The following KCNIP4 variants were observed in gnomAD, a reference collection of about 807,000 sequenced individuals.
KCNIP4 encodes potassium voltage-gated channel interacting protein 4.
KCNIP4 carries 12 observed loss-of-function variants against 34.0 expected under a neutral mutation model. That is an observed-to-expected ratio of 0.35 (90% CI 0.23 to 0.57). KCNIP4 has a LOEUF of 0.57. Among genes scored for constraint, KCNIP4 ranks in the 20% least tolerant of loss-of-function variants. The pLI is 0.83. For missense variants in KCNIP4, 238 were observed against 311.7 expected (o/e 0.76, Z 1.78); for synonymous variants, 124 against 102.2 (o/e 1.21, Z -1.29).
chr4:21,479,199 C>T (rs1731228519), intron 1 of KCNIP4, among the ~76,000 whole-genome samples: 1 of 152,168 alleles, frequency 6.6e-6, no homozygotes, highest in African/African-American at 2.4e-5. Flanking sequence ...CACCTACTAT[C>T]ACCAACTCCT....
intron 1 of KCNIP4, among the ~76,000 whole-genome samples, chr4:21,836,644 C>G (rs1723339490): frequency 6.6e-6 from 1 of 152,074 alleles, no homozygotes; most frequent in South Asian, 2.1e-4. Context: ...ATGCTGGTCT[C>G]TAAAGGACAG....
intron 1 of KCNIP4, among the ~76,000 whole-genome samples, chr4:21,693,718 G>A (rs908925023): frequency 2.0e-4 from 31 of 152,098 alleles, no homozygotes; most frequent in African/African-American, 6.8e-4. Context: ...CCTCTCATCC[G>A]TTAATCTAAA....
intron 1 of KCNIP4, among the ~76,000 whole-genome samples, chr4:21,358,403 T>A (rs1718879398): frequency 6.6e-6 from 1 of 152,174 alleles, no homozygotes; most frequent in Admixed American, 6.5e-5. Flanking sequence ...TAGTTGTGCA[T>A]AATCAAATAG....
intron 1 of KCNIP4, among the ~76,000 whole-genome samples, chr4:21,066,576 G>A (rs1002109408): frequency 7.2e-5 from 11 of 151,808 alleles, no homozygotes; most frequent in East Asian, 1.9e-4. Context: ...GAATGTCTGC[G>A]CCTGGGGAAG....
At chr4:21,017,474 G>A (rs57020470) in intron 1 of KCNIP4, among the ~76,000 whole-genome samples, 7,177 of 152,114 alleles carry the variant, frequency 0.047, 224 homozygotes, top group Admixed American at 0.078. Context: ...AGTTTGCTGC[G>A]GATAATGGCT....
At chr4:21,295,907 A>C (rs1763813466) in intron 1 of KCNIP4, among the ~76,000 whole-genome samples, 1 of 143,488 alleles carries the variant, frequency 7.0e-6, no homozygotes, top group South Asian at 2.3e-4. Flanking sequence ...CAATAGAGGC[A>C]CATGCAGTTA....
chr4:20,790,780 A>C (rs181714510), intron 3 of KCNIP4, among the ~76,000 whole-genome samples: 1 of 152,176 alleles, frequency 6.6e-6, no homozygotes, highest in African/African-American at 2.4e-5. Flanking sequence ...GGTCACCTGC[A>C]GTAAGTTGGA....
chr4:21,694,928 A>T (rs10015895), intron 1 of KCNIP4, among the ~76,000 whole-genome samples: 12,509 of 122,844 alleles, frequency 0.1, 1,569 homozygotes, highest in African/African-American at 0.27. Flanking sequence ...AAAAAAAAAA[A>T]AATAAAAATA....
At chr4:21,916,566 C>T (rs1364391097) in intron 1 of KCNIP4, among the ~76,000 whole-genome samples, 4 of 152,044 alleles carry the variant, frequency 2.6e-5, no homozygotes, top group African/African-American at 9.7e-5. Context: ...ATCAGTGTAC[C>T]GTCTACCAAC....
At chr4:21,055,295 A>C (rs558391517) in intron 1 of KCNIP4, among the ~76,000 whole-genome samples, 1 of 152,338 alleles carries the variant, frequency 6.6e-6, no homozygotes, top group South Asian at 2.1e-4. Context: ...GTGGAACAAC[A>C]GAAACTCCTA....
At chr4:20,755,888 G>A (rs572659718) in intron 4 of KCNIP4, among the ~76,000 whole-genome samples, 1 of 152,076 alleles carries the variant, frequency 6.6e-6, no homozygotes, top group Admixed American at 6.6e-5. Context: ...GCTGGGTGGG[G>A]TAAGTTGGGT....
At chr4:21,021,928 A>G (rs1056103458) in intron 1 of KCNIP4, among the ~76,000 whole-genome samples, 5 of 150,108 alleles carry the variant, frequency 3.3e-5, no homozygotes, top group Non-Finnish European at 7.4e-5. Flanking sequence ...ACCAGTAATA[A>G]AGTCATGTAT....
At chr4:21,759,761 G>C (rs183999529) in intron 1 of KCNIP4, among the ~76,000 whole-genome samples, 27 of 152,014 alleles carry the variant, frequency 1.8e-4, no homozygotes, top group Admixed American at 1.1e-3. Flanking sequence ...GACAACCTAC[G>C]TTCCAAAATT....
chr4:21,252,763 T>A (rs1760807442), intron 1 of KCNIP4, among the ~76,000 whole-genome samples: 1 of 151,384 alleles, frequency 6.6e-6, no homozygotes, highest in African/African-American at 2.4e-5. Flanking sequence ...CCTCTTTTTT[T>A]TTTTTTTTTT....
At chr4:20,807,558 G>A (rs1180979866) in intron 3 of KCNIP4, among the ~76,000 whole-genome samples, 3 of 151,960 alleles carry the variant, frequency 2.0e-5, no homozygotes, top group East Asian at 1.9e-4. Flanking sequence ...CTTAGTATCT[G>A]GCCCTTTAAA....
At chr4:21,454,406 C>T (rs1221274730) in intron 1 of KCNIP4, among the ~76,000 whole-genome samples, 2 of 152,016 alleles carry the variant, frequency 1.3e-5, no homozygotes, top group Non-Finnish European at 2.9e-5. Context: ...TTGAGAAGGC[C>T]GTGAGAGAGG....
chr4:21,875,594 T>C (rs753476221), intron 1 of KCNIP4, among the ~76,000 whole-genome samples: 6 of 152,192 alleles, frequency 3.9e-5, no homozygotes, highest in Admixed American at 3.3e-4. Flanking sequence ...AGTATTATAA[T>C]CAATTAAGTT....
chr4:21,373,158 C>CA lies in KCNIP4; in HGVS notation c.62-490450dup, dbSNP rs543574431. ...GCAACACAGCAAGACCTTGTCTCTA[C>CA]AAAAAATGTAAAAAATTATCTGGCT... On this transcript the variant is annotated intron_variant, in intron 1 of 8. Transcript: ENST00000382152. Among the ~76,000 whole-genome samples, 372 of 146,562 alleles carry CA rather than the reference C, an allele frequency of 2.5e-3. 5 individuals carry two copies. Among genetic ancestry groups the CA allele is most frequent in the Middle Eastern group, 0.014 (4 of 294 alleles).
chr4:21,663,423 T>C (rs989677634), intron 1 of KCNIP4, among the ~76,000 whole-genome samples: 1 of 151,988 alleles, frequency 6.6e-6, no homozygotes, highest in Non-Finnish European at 1.5e-5. Flanking sequence ...GGGAGCGGAG[T>C]GTAAGCCTTT....
Sources: allele counts gnomAD v4.1 joint callset (sites outside exome capture counted in the v4.1 genomes callset), GRCh38; gene constraint gnomAD v4.1.1; transcripts MANE v1.5; gene names NCBI Gene and HGNC (gene_info 2026-07-23, HGNC 2026-07-21).